VPS37A: variants seen among roughly 807,000 people sequenced by gnomAD.
The protein encoded by VPS37A is VPS37A subunit of ESCRT-I.
In VPS37A, 30 loss-of-function variants were observed where a neutral mutation model predicts 49.8. The ratio of observed to expected loss-of-function variants is 0.60; its 90% CI spans 0.45 to 0.82. The LOEUF is 0.82. Among genes scored for constraint, VPS37A ranks in the 40% least tolerant of loss-of-function variants. The pLI is 0.00. For synonymous variants in VPS37A, 195 were observed against 160.6 expected (o/e 1.21, Z -1.62); for missense variants, 593 against 464.4 (o/e 1.28, Z -2.55).
chr8:17,250,818 A>G (rs115472015), intron 1 of VPS37A, among the ~76,000 whole-genome samples: 1 of 152,346 alleles, frequency 6.6e-6, no homozygotes, highest in African/African-American at 2.4e-5. Flanking sequence ...AGTCTCAACA[A>G]TATGCACGGC....
downstream of VPS37A, among the ~76,000 whole-genome samples, chr8:17,306,562 G>T (rs576510148): frequency 5.3e-5 from 8 of 152,206 alleles, no homozygotes; most frequent in Non-Finnish European, 1.0e-4. Flanking sequence ...CCTCAAATTT[G>T]TATTGATTTT....
At chr8:17,266,024 A>T (rs374629339) in intron 2 of VPS37A, 43 bp downstream of exon 2, 3 of 1,530,948 alleles carry the variant, frequency 2.0e-6, no homozygotes, top group Non-Finnish European at 2.7e-6. Flanking sequence ...AAAGGACTTA[A>T]CAGTTTTTTT....
intron 6 of VPS37A, among the ~76,000 whole-genome samples, chr8:17,278,555 A>G (rs1814742340): frequency 6.6e-6 from 1 of 152,080 alleles, no homozygotes; most frequent in Non-Finnish European, 1.5e-5. Context: ...CGTTTTTGGC[A>G]AAGTGAAGAT....
intron 9 of VPS37A, among the ~76,000 whole-genome samples, chr8:17,281,879 G>T (rs533859475): frequency 3.9e-5 from 6 of 152,088 alleles, no homozygotes; most frequent in Middle Eastern, 6.8e-3. Context: ...CATAAAAGAA[G>T]AGCTGAGTTT....
chr8:17,260,949 C>G (rs1238093561), intron 1 of VPS37A, among the ~76,000 whole-genome samples: 1 of 152,058 alleles, frequency 6.6e-6, no homozygotes, highest in Non-Finnish European at 1.5e-5. Flanking sequence ...CTAGGAGTAG[C>G]CTTATTTGTG....
At chr8:17,300,952 T>G (rs1359026286), downstream of VPS37A, among the ~76,000 whole-genome samples, 3 of 152,234 alleles carry the variant, frequency 2.0e-5, no homozygotes, top group East Asian at 5.8e-4. Context: ...TATCAAGTAC[T>G]TCATTCCTTT....
At chr8:17,314,153 C>G in the VPS37A span, among the ~76,000 whole-genome samples, 1 of 152,188 alleles carries the variant, frequency 6.6e-6, no homozygotes, top group African/African-American at 2.4e-5. Flanking sequence ...CATTAAAAAG[C>G]TTCAGAGCTA....
At chr8:17,303,941 C>T (rs1462660819), downstream of VPS37A, among the ~76,000 whole-genome samples, 2 of 152,184 alleles carry the variant, frequency 1.3e-5, no homozygotes, top group African/African-American at 4.8e-5. Context: ...GACAAAAAGG[C>T]AACCTATTAC....
intron 6 of VPS37A, among the ~76,000 whole-genome samples, chr8:17,276,899 A>G (rs11989915): frequency 0.024 from 3,582 of 152,180 alleles, 152 homozygotes; most frequent in African/African-American, 0.082. Context: ...CTTTTTTTCA[A>G]ATTTATAGCA....
chr8:17,332,721 C>G, the VPS37A span, among the ~76,000 whole-genome samples: 2 of 152,170 alleles, frequency 1.3e-5, no homozygotes, highest in Non-Finnish European at 2.9e-5. Context: ...AAGTCAGAGA[C>G]CCTCTGTGCA....
chr8:17,247,463 C>G, intron 1 of VPS37A, 94 bp downstream of exon 1: 2 of 1,472,492 alleles, frequency 1.4e-6, no homozygotes, highest in South Asian at 1.3e-5. Flanking sequence ...CTGCTCCCCA[C>G]CAGCTCCTCA....
At chr8:17,274,338 T>C (rs1349828370) in intron 4 of VPS37A, among the ~76,000 whole-genome samples, 1 of 152,246 alleles carries the variant, frequency 6.6e-6, no homozygotes, top group South Asian at 2.1e-4. Context: ...CAGAGAAAGC[T>C]GTTAGCCTCT....
the VPS37A span, among the ~76,000 whole-genome samples, chr8:17,308,063 AAT>A: frequency 6.6e-6 from 1 of 151,972 alleles, no homozygotes; most frequent in Non-Finnish European, 1.5e-5. Context: ...ATAAAAATAA[AAT>A]GAGGAAGAAA....
chr8:17,282,499 C>G (rs1815163883), intron 9 of VPS37A, among the ~76,000 whole-genome samples: 1 of 151,812 alleles, frequency 6.6e-6, no homozygotes, highest in South Asian at 2.1e-4. Context: ...TTTACCTCTA[C>G]AGATTGAAAA....
At chr8:17,266,088 CTA>C (rs1813420570) in intron 2 of VPS37A, 107 bp downstream of exon 2, 1 of 942,206 alleles carries the variant, frequency 1.1e-6, no homozygotes, top group Non-Finnish European at 1.6e-6. Context: ...TTTCAAGTAA[CTA>C]TAATTTATAA....
At chr8:17,331,801 G>A in the VPS37A span, among the ~76,000 whole-genome samples, 4 of 152,150 alleles carry the variant, frequency 2.6e-5, no homozygotes, top group African/African-American at 4.8e-5. Context: ...TAAACCTTGA[G>A]CAGGAATTAC....
chr8:17,253,584 G>A (rs1221942229), intron 1 of VPS37A, among the ~76,000 whole-genome samples: 1 of 152,030 alleles, frequency 6.6e-6, no homozygotes, highest in Non-Finnish European at 1.5e-5. Flanking sequence ...TTTCTGATAG[G>A]GCTTCTCCAT....
the VPS37A span, among the ~76,000 whole-genome samples, chr8:17,324,827 G>C: frequency 1.3e-4 from 20 of 152,090 alleles, no homozygotes; most frequent in African/African-American, 4.6e-4. Context: ...GTTATTATTG[G>C]TTATCTCCTC....
chr8:17,315,543 A>G, the VPS37A span, among the ~76,000 whole-genome samples: 1 of 152,202 alleles, frequency 6.6e-6, no homozygotes, highest in Non-Finnish European at 1.5e-5. Flanking sequence ...TGAATAATGC[A>G]GGTGGCTGTG....
Sources: allele counts gnomAD v4.1 joint callset (sites outside exome capture counted in the v4.1 genomes callset), GRCh38; gene constraint gnomAD v4.1.1; transcripts MANE v1.5; gene names NCBI Gene and HGNC (gene_info 2026-07-23, HGNC 2026-07-21).